The following FCN1 variants were observed in gnomAD, a reference collection of about 807,000 sequenced individuals.
FCN1 encodes the protein ficolin-1.
Under a neutral mutation model 35.6 loss-of-function variants are expected in FCN1, and 42 were observed. The observed-to-expected ratio is 1.18, with a 90% confidence interval of 0.92 to 1.53. The LOEUF (loss-of-function observed/expected upper bound fraction) is 1.53. Among genes scored for constraint, FCN1 ranks in the 40% most tolerant of loss-of-function variants. The pLI is 0.00. For synonymous variants in FCN1, 179 were observed against 169.8 expected (o/e 1.05, Z -0.42); for missense variants, 439 against 428.4 (o/e 1.02, Z -0.22).
rs771679474 is a variant in FCN1, at chr9:134,909,910, C to T, written c.869G>A (p.Gly290Asp). Residue 290 changes from glycine to aspartate, a missense_variant, in exon 9 of 9, where the codon GGT becomes GAT. Transcript: ENST00000371806. ...YADCHASNLN[G>D]LYLMGPHESY... is the part of the protein sequence containing the mutation. The stretch of plus-strand genomic sequence containing the variant: ...CTCATGGGGTCCCATGAGGTAGAGA[C>T]CATTGAGGTTTGAAGCATGACAGTC... 1 of 1,614,106 alleles carries T rather than the reference C, an allele frequency of 6.2e-7. No homozygotes were observed. Among genetic ancestry groups the T allele is most frequent in the Non-Finnish European group, 8.5e-7 (1 of 1,180,018 alleles).
chr9:134,913,194 C>T (rs1365979407), intron 5 of FCN1, 51 bp from the exon 6 acceptor site: 2 of 1,609,016 alleles, frequency 1.2e-6, no homozygotes, highest in Non-Finnish European at 8.5e-7. Flanking sequence ...CTGGGCAGGA[C>T]AGGGGCAGTG....
At position 134,903,664 on chromosome 9, in the gene FCN1, C is replaced by T. The variant is rs1177643039; in HGVS notation, c.*6134G>A. Among the ~76,000 whole-genome samples the T allele has an allele frequency of 6.6e-6, 1 of 151,994 alleles. No individual in the cohort carries two copies. Among genetic ancestry groups the T allele is most frequent in the Non-Finnish European group, 1.5e-5 (1 of 67,992 alleles). On this transcript the variant is annotated 3_prime_UTR_variant, in exon 9 of 9. Transcript: ENST00000371806. ...ACTATGTCTAGCATTCAATCAAAACCCTCCAAGTGTGCCAAAAAACTAAGA... is the reference window on the plus strand; with the variant it reads ...ACTATGTCTAGCATTCAATCAAAACTCTCCAAGTGTGCCAAAAAACTAAGA...
At chr9:134,917,624 C>A (rs1355672165) in intron 1 of FCN1, 145 bp downstream of exon 1, 1 of 609,952 alleles carries the variant, frequency 1.6e-6, no homozygotes, top group East Asian at 2.9e-5. Flanking sequence ...CCCTGAGCCT[C>A]CATGTCCTTG....
chr9:134,910,975 C>A (rs1431439524), intron 8 of FCN1, among the ~76,000 whole-genome samples, 158 bp downstream of exon 8: 1 of 152,180 alleles, frequency 6.6e-6, no homozygotes, highest in Non-Finnish European at 1.5e-5. Flanking sequence ...GTCCTGTGAG[C>A]CCCACGCTGT....
At position 134,913,156 on chromosome 9, in the gene FCN1, C is replaced by A; in HGVS notation, c.341-13G>T. Reference sequence around the variant, plus strand: ...CAGTTGCGTGGGCCTGGGAAGGGAACCCGGGGAATGGCTGCAGGACGGGGG... The same window carrying A: ...CAGTTGCGTGGGCCTGGGAAGGGAAACCGGGGAATGGCTGCAGGACGGGGG... On this transcript the variant is annotated splice_polypyrimidine_tract_variant and intron_variant, in intron 5 of 8. Coordinates refer to ENST00000371806, the MANE Select transcript of FCN1 (RefSeq NM_002003.5). 6.2e-7 allele frequency: 1 copy of A among 1,613,484 alleles called. No homozygotes were observed. The highest frequency in any genetic ancestry group is 1.1e-5 in the South Asian group (1 of 90,928).
intron 8 of FCN1, among the ~76,000 whole-genome samples, chr9:134,910,358 C>T (rs557133972): frequency 1.3e-5 from 2 of 152,240 alleles, no homozygotes; most frequent in East Asian, 1.9e-4. Context: ...CAGCCTGCGC[C>T]GCTCCTTCCG....
At chr9:134,913,170 G>A (rs746216469) in intron 5 of FCN1, 27 bp from the exon 6 acceptor site, 14 of 1,611,544 alleles carry the variant, frequency 8.7e-6, no homozygotes, top group African/African-American at 1.3e-5. Context: ...GGGAATGGCT[G>A]CAGGACGGGG....
intron 3 of FCN1, 58 bp from the exon 4 acceptor site, chr9:134,914,478 G>C (rs1437022622): frequency 1.4e-6 from 2 of 1,479,418 alleles, no homozygotes; most frequent in East Asian, 2.3e-5. Flanking sequence ...CCACGGAAAG[G>C]CTGGTCCAGA....
At chr9:134,917,099 G>A (rs1021653084) in intron 1 of FCN1, among the ~76,000 whole-genome samples, 6 of 152,234 alleles carry the variant, frequency 3.9e-5, no homozygotes, top group South Asian at 2.1e-4. Context: ...ACCATGGAAC[G>A]GAGCAGTGCT....
chr9:134,913,482 A>G (rs1831052452), intron 5 of FCN1, 99 bp downstream of exon 5: 1 of 940,410 alleles, frequency 1.1e-6, no homozygotes, highest in Non-Finnish European at 1.6e-6. Context: ...ATAGGTGCAG[A>G]CAGGGTTCTG....
At chr9:134,915,094 C>A (rs562925824) in intron 2 of FCN1, among the ~76,000 whole-genome samples, 2 of 152,198 alleles carry the variant, frequency 1.3e-5, no homozygotes, top group Admixed American at 6.5e-5. Context: ...ACTCTGTTGA[C>A]CATAAGCCTG....
chr9:134,914,397 G>A lies in FCN1; in HGVS notation c.295C>T (p.Arg99Cys), dbSNP rs141157367. The A allele has an allele frequency of 2.0e-5, 32 of 1,613,862 alleles. No individual in the cohort carries two copies. The highest frequency in any genetic ancestry group is 5.0e-5 in the Admixed American group (3 of 60,006). Residue 99 changes from arginine (R) to cysteine (C), a missense_variant, in exon 4 of 9, where the codon CGT becomes TGT. Transcript: ENST00000371806. The stretch of plus-strand genomic sequence containing the variant: ...ACGGGTGGCTCACCTTTCTCTCCAC[G>A]CATCCCCTTCTCTCCTCGGTCTCCT... ...PKGDRGEKGM[R>C]GEKGDAGQSQ...
In FCN1 at chr9:134,904,139, G is replaced by A. The variant is rs1487943826; in HGVS notation, c.*5659C>T. 6.6e-6 allele frequency among the ~76,000 whole-genome samples: 1 copy of A among 152,120 alleles called. No homozygotes were observed. Among genetic ancestry groups the A allele is most frequent in the Non-Finnish European group, 1.5e-5 (1 of 68,014 alleles). On this transcript the variant is annotated 3_prime_UTR_variant, in exon 9 of 9. Transcript: ENST00000371806. ...CTAGCATTTTTCAAAACTCATGAAA[G>A]ACATCAAGTCACAGATTCTATGAAC...
At chr9:134,911,375 G>A (rs1258330539) in intron 7 of FCN1, 108 bp from the exon 8 acceptor site, 37 of 946,270 alleles carry the variant, frequency 3.9e-5, no homozygotes, top group East Asian at 5.0e-5. Context: ...ACAGAGTTCC[G>A]CTCTTGTTGC....
intron 6 of FCN1, among the ~76,000 whole-genome samples, 178 bp downstream of exon 6, chr9:134,912,838 C>T (rs868784212): frequency 2.0e-5 from 3 of 152,206 alleles, no homozygotes; most frequent in South Asian, 2.1e-4. Flanking sequence ...AGGAGAGCAC[C>T]GGTCCCCTCC....
At position 134,913,023 on chromosome 9, in the gene FCN1, C is replaced by T. The variant is rs779571708; in HGVS notation, c.461G>A (p.Gly154Asp). 1 of 1,611,246 alleles carries T rather than the reference C, an allele frequency of 6.2e-7. No individual in the cohort carries two copies. Residue 154 changes from glycine (G) to aspartate (D), a missense_variant, in exon 6 of 9, where the codon GGC (glycine) becomes GAC (aspartate). Coordinates refer to ENST00000371806, the MANE Select transcript of FCN1 (RefSeq NM_002003.5). ...VLCDMDTDGG[G>D]WTVFQRRMDG... Reference sequence around the variant, plus strand: ...GCCCAGCCCCACACTCACGGTCCAGCCCCCTCCGTCCGTGTCCATGTCACA... The same window carrying T: ...GCCCAGCCCCACACTCACGGTCCAGTCCCCTCCGTCCGTGTCCATGTCACA...
chr9:134,915,818 T>G (rs1163925580), intron 2 of FCN1, among the ~76,000 whole-genome samples: 1 of 152,210 alleles, frequency 6.6e-6, no homozygotes, highest in East Asian at 1.9e-4. Context: ...GGCAGGTGCC[T>G]GCTGTTCATT....
At position 134,908,802 on chromosome 9, in the gene FCN1, C is replaced by A; in HGVS notation, c.*996G>T. The stretch of plus-strand genomic sequence containing the variant: ...CCAGATCTACTGAGCCAGGAGGTGG[C>A]GAGTTCTTGTTGTTTCAAGCCACTC... On this transcript the variant is annotated 3_prime_UTR_variant, in exon 9 of 9. Coordinates refer to ENST00000371806, the MANE Select transcript of FCN1 (RefSeq NM_002003.5). The A allele has an allele frequency of 5.4e-6, 1 of 186,150 alleles. No homozygotes were observed. Among genetic ancestry groups the A allele is most frequent in the Admixed American group, 5.4e-5 (1 of 18,362 alleles). 11.5% of individuals were successfully genotyped at this position (186,150 alleles called of 1,614,324 possible). A position where few individuals can be genotyped will look rare whatever the true frequency, so the allele number is the denominator to read the frequency against.
chr9:134,911,342 A>ATTT (rs34307683), intron 7 of FCN1, 75 bp from the exon 8 acceptor site: 345 of 928,304 alleles, frequency 3.7e-4, no homozygotes, highest in Middle Eastern at 6.8e-4. Flanking sequence ...GGGATGGGTA[A>ATTT]TTTTTTTTTT....
Sources: allele counts gnomAD v4.1 joint callset (sites outside exome capture counted in the v4.1 genomes callset), GRCh38; gene constraint gnomAD v4.1.1; transcripts MANE v1.5; gene names NCBI Gene and HGNC (gene_info 2026-07-23, HGNC 2026-07-21).